The following PCLO variants were observed in gnomAD, a reference collection of about 807,000 sequenced individuals.
The protein encoded by PCLO is protein piccolo.
Under a neutral mutation model 427.5 loss-of-function variants are expected in PCLO, and 82 were observed. The observed-to-expected ratio is 0.19, with a 90% CI of 0.16 to 0.23. The LOEUF is 0.23. Among genes scored for constraint, PCLO ranks in the 10% least tolerant of loss-of-function variants. PCLO has a pLI of 1.00. For synonymous variants in PCLO, 2,357 were observed against 2,155.4 expected, an observed-to-expected ratio of 1.09 and a Z score of -2.59; for missense variants, 6,239 against 6,115.9, an observed-to-expected ratio of 1.02 and a Z score of -0.67.
intron 3 of PCLO, among the ~76,000 whole-genome samples, chr7:83,017,320 T>G (rs1256180776): frequency 6.6e-6 from 1 of 151,978 alleles, no homozygotes; most frequent in Non-Finnish European, 1.5e-5. Flanking sequence ...AGCATAAACA[T>G]TAAAGAATTT....
chr7:82,791,234 G>C (rs1791094723), intron 22 of PCLO, among the ~76,000 whole-genome samples: 1 of 149,516 alleles, frequency 6.7e-6, no homozygotes, highest in South Asian at 2.1e-4. Flanking sequence ...TTTTAAAAAA[G>C]ATGAATCATC....
intron 3 of PCLO, among the ~76,000 whole-genome samples, chr7:82,984,626 C>A (rs73387640): frequency 0.021 from 3,235 of 151,996 alleles, 124 homozygotes; most frequent in African/African-American, 0.074. Flanking sequence ...CTTTAACTTG[C>A]CTGTTTCGTT....
chr7:83,012,384 G>A (rs1226124451), intron 3 of PCLO, among the ~76,000 whole-genome samples: 3 of 151,912 alleles, frequency 2.0e-5, no homozygotes, highest in South Asian at 2.1e-4. Context: ...TTGGGAGGCC[G>A]AGGTGGGCGG....
chr7:82,880,308 G>T (rs1584093251), intron 9 of PCLO: 1 of 311,984 alleles, frequency 3.2e-6, no homozygotes, highest in Non-Finnish European at 6.6e-6. Flanking sequence ...TGTGGCACAT[G>T]AGTACACTTT....
intron 6 of PCLO, among the ~76,000 whole-genome samples, chr7:82,931,183 A>T: frequency 6.6e-6 from 1 of 152,156 alleles, no homozygotes; most frequent in Non-Finnish European, 1.5e-5. Context: ...CAGTACTATT[A>T]TTACCTTCAA....
chr7:83,024,509 T>G (rs75590125), intron 3 of PCLO, among the ~76,000 whole-genome samples: 3 of 152,058 alleles, frequency 2.0e-5, no homozygotes, highest in East Asian at 1.9e-4. Flanking sequence ...CAGACTGCAA[T>G]GCAGCAGCCA....
chr7:82,821,038 T>TA (rs1352454036), intron 20 of PCLO: 1 of 1,192,598 alleles, frequency 8.4e-7, no homozygotes, highest in African/African-American at 1.6e-5. Flanking sequence ...AGACAATCTC[T>TA]AAAAATTAAA....
intron 3 of PCLO, among the ~76,000 whole-genome samples, chr7:83,088,130 C>A (rs1264501480): frequency 6.6e-6 from 1 of 152,208 alleles, no homozygotes; most frequent in Admixed American, 6.5e-5. Context: ...GGAGTCACTT[C>A]ACTCTCAAAT....
rs1239999420 is a variant in PCLO, at chr7:82,755,117, A to G, written c.*3458T>C. 6.6e-6 allele frequency: 1 copy of G among 152,042 alleles called. No homozygotes were observed. The highest frequency in any genetic ancestry group is 1.5e-5 in the Non-Finnish European group (1 of 67,982). The allele number at this position is 152,042 out of a possible 1,614,324, so 9.4% of individuals were successfully genotyped here. The stretch of plus-strand genomic sequence containing the variant: ...CGCTAATATCACTACTGCTACCACC[A>G]CTATCATTACAGTCATTCCTATAAT... On this transcript the variant is annotated 3_prime_UTR_variant, in exon 25 of 25. Coordinates refer to ENST00000333891, the MANE Select transcript of PCLO (RefSeq NM_033026.6).
chr7:83,088,226 C>T (rs1790287923), intron 3 of PCLO, among the ~76,000 whole-genome samples: 1 of 151,998 alleles, frequency 6.6e-6, no homozygotes, highest in African/African-American at 2.4e-5. Context: ...CAAGTACATC[C>T]CAACAAAAGC....
chr7:82,880,799 T>C (rs147705382), intron 9 of PCLO, among the ~76,000 whole-genome samples: 1 of 152,304 alleles, frequency 6.6e-6, no homozygotes, highest in Non-Finnish European at 1.5e-5. Context: ...AATGTGACTA[T>C]TGGGCAATCT....
At chr7:83,136,079 C>T (rs1055323112) in intron 2 of PCLO, among the ~76,000 whole-genome samples, 1 of 151,630 alleles carries the variant, frequency 6.6e-6, no homozygotes, top group Non-Finnish European at 1.5e-5. Context: ...ACCTGGGTGA[C>T]AGAGTGAGAC....
intron 3 of PCLO, 84 bp downstream of exon 3, chr7:83,134,166 A>T (rs1451093550): frequency 2.5e-6 from 1 of 394,496 alleles, no homozygotes; most frequent in East Asian, 5.2e-5. Context: ...TTGCTCAGAT[A>T]TTTGGCCACC....
Position 82,951,338 on chromosome 7 carries a change from AC to A in PCLO, c.9249del (p.Arg3083SerfsTer11), listed in dbSNP as rs1190632022. On this transcript the variant is annotated frameshift_variant, in exon 6 of 25. Transcript: ENST00000333891. LOFTEE classifies it high-confidence loss of function. Reference protein sequence around the residue: ...GPQYCVGSVLRSSNGVVYSSV... With the variant: ...GPQYCVGSVLXSSNGVVYSSV... ...GAAGAATAGACAACACCATTAGATG[AC>A]CTCAAAACACTCCCCACACAATACT... is the stretch of plus-strand genomic sequence containing the variant. The A allele has an allele frequency of 6.2e-7, 1 of 1,609,656 alleles. No individual in the cohort carries two copies. The highest frequency in any genetic ancestry group is 1.3e-5 in the African/African-American group (1 of 74,820).
At chr7:83,053,716 C>T (rs985779706) in intron 3 of PCLO, among the ~76,000 whole-genome samples, 2 of 151,920 alleles carry the variant, frequency 1.3e-5, no homozygotes, top group Non-Finnish European at 2.9e-5. Context: ...TCTAATTATT[C>T]TGAGTTTTCA....
intron 3 of PCLO, among the ~76,000 whole-genome samples, chr7:83,005,006 T>A (rs1268133717): frequency 6.6e-6 from 1 of 151,586 alleles, no homozygotes; most frequent in Non-Finnish European, 1.5e-5. Context: ...GTGATTATTA[T>A]CAAAAAGTCA....
At position 82,879,330 on chromosome 7, in the gene PCLO, T is replaced by G; in HGVS notation, c.13654+7A>C. ...TTTTATTTTACTGTAAAATTCCTTATTCTTACCTTCCATAAGCTTCCCCGT... is the reference window on the plus strand; with the variant it reads ...TTTTATTTTACTGTAAAATTCCTTAGTCTTACCTTCCATAAGCTTCCCCGT... On this transcript the variant is annotated splice_region_variant and intron_variant, in intron 10 of 24. Transcript: ENST00000333891. 1 of 1,602,098 alleles carries G rather than the reference T, an allele frequency of 6.2e-7. No individual in the cohort carries two copies.
At chr7:82,762,753 T>C (rs1463280251) in intron 22 of PCLO, among the ~76,000 whole-genome samples, 3 of 152,068 alleles carry the variant, frequency 2.0e-5, no homozygotes, top group African/African-American at 7.2e-5. Flanking sequence ...CATTAGTGCA[T>C]GGCTTAATAG....
chr7:82,882,643 T>TATTC (rs1171424238), intron 9 of PCLO, among the ~76,000 whole-genome samples: 1 of 152,090 alleles, frequency 6.6e-6, no homozygotes, highest in Non-Finnish European at 1.5e-5. Flanking sequence ...CCTTCAAAGG[T>TATTC]TGGGATATTT....
Sources: gnomAD v4.1 joint callset for allele counts (sites outside exome capture counted in the v4.1 genomes callset) on GRCh38, gnomAD v4.1.1 for gene constraint, MANE v1.5 for transcripts, NCBI Gene and HGNC (gene_info 2026-07-23, HGNC 2026-07-21) for gene names.